ZMYM3: variants seen among roughly 807,000 people sequenced by gnomAD.
The protein encoded by ZMYM3 is zinc finger MYM-type protein 3.
Under a neutral mutation model 94.2 loss-of-function variants are expected in ZMYM3, and 6 were observed. That is an observed-to-expected ratio of 0.06 (90% confidence interval 0.03 to 0.13). The LOEUF (loss-of-function observed/expected upper bound fraction) is 0.13, where lower values mean the gene tolerates loss of function less well. Ranked by LOEUF, ZMYM3 falls within the 10% of genes least tolerant of loss-of-function variation. The pLI is 1.00. For missense variants in ZMYM3, 664 were observed against 1,132.6 expected, an observed-to-expected ratio of 0.59 and a Z score of 5.94; for synonymous variants, 420 against 426.5, an observed-to-expected ratio of 0.98 and a Z score of 0.19.
rs2030312560 is a variant in ZMYM3, at chrX:71,248,858, G to A, written c.1622-57C>T. On this transcript the variant is annotated intron_variant, in intron 8 of 24. Coordinates refer to ENST00000314425, the MANE Select transcript of ZMYM3 (RefSeq NM_201599.3). ...AGAGAAAGAGAGAGGGAGAGAGAGA[G>A]CACACAGAAGGTGTAAGGCAGTGTA... The A allele has an allele frequency of 6.7e-6, 7 of 1,044,630 alleles. No homozygotes were observed. The Admixed American group carries it at 7.9e-5, about 12-fold the overall frequency. 86.1% of individuals were successfully genotyped at this position (1,044,630 alleles called of 1,213,427 possible).
At chrX:71,247,684 G>T (rs1312050963) in intron 12 of ZMYM3, 50 bp downstream of exon 12, 1 of 1,178,914 alleles carries the variant, frequency 8.5e-7, no homozygotes, top group Non-Finnish European at 1.1e-6. Context: ...CACAGCCCGT[G>T]CTCCCCACTG....
At position 71,240,629 on chromosome X, in the gene ZMYM3, C is replaced by A; in HGVS notation, c.*287G>T. ...TAACACTCCACCCAGAGTCTGGACC[C>A]AGAAGGAGGGGTTTACTCTGAAGCA... On this transcript the variant is annotated 3_prime_UTR_variant, in exon 25 of 25. Coordinates refer to ENST00000314425, the MANE Select transcript of ZMYM3 (RefSeq NM_201599.3). The A allele has an allele frequency of 3.7e-6, 1 of 271,580 alleles. No individual in the cohort carries two copies. Among genetic ancestry groups the A allele is most frequent in the Non-Finnish European group, 6.5e-6 (1 of 153,882 alleles). The allele number at this position is 271,580 out of a possible 1,213,427, so 22.4% of individuals were successfully genotyped here.
chrX:71,248,070 C>A, intron 11 of ZMYM3, 92 bp downstream of exon 11: 2 of 1,147,470 alleles, frequency 1.7e-6, no homozygotes, highest in South Asian at 2.0e-5. Flanking sequence ...GAAGGCCCTG[C>A]CTCATGGACC....
intron 11 of ZMYM3, 74 bp from the exon 12 acceptor site, chrX:71,247,980 G>A: frequency 9.1e-7 from 1 of 1,104,515 alleles, no homozygotes; most frequent in South Asian, 2.2e-5. Flanking sequence ...CCTTTTCAAG[G>A]TGCTATACCT....
chrX:71,243,165 T>C (rs2030019039), intron 21 of ZMYM3, 81 bp from the exon 22 acceptor site: 2 of 827,707 alleles, frequency 2.4e-6, no homozygotes, highest in Non-Finnish European at 3.5e-6. Context: ...CCCCCAGGTA[T>C]GGTGTCCTTG....
rs777182703 is a variant in ZMYM3 at position 71,244,292 on chromosome X, A to G, written c.3280+10T>C. 5 of 994,934 alleles carry G rather than the reference A, an allele frequency of 5.0e-6. No individual in the cohort carries two copies. The East Asian group carries it at 2.5e-4, about 50-fold the overall frequency. 82.0% of individuals were successfully genotyped at this position (994,934 alleles called of 1,213,427 possible). Reference sequence around the variant, plus strand: ...CTGCCTCCCCACACCCCCCATCCCCAAGTACTTACGGCCAAAGCGCAGCTC... The same window carrying G: ...CTGCCTCCCCACACCCCCCATCCCCGAGTACTTACGGCCAAAGCGCAGCTC... On this transcript the variant is annotated intron_variant, in intron 20 of 24. Coordinates refer to ENST00000314425, the MANE Select transcript of ZMYM3 (RefSeq NM_201599.3).
intron 23 of ZMYM3, among the ~76,000 whole-genome samples, chrX:71,241,966 G>C (rs113639272): frequency 3.5e-4 from 39 of 111,898 alleles, no homozygotes; most frequent in African/African-American, 1.2e-3. Flanking sequence ...AAACAGGCCA[G>C]AGGGTGACCT....
rs183587835 is a variant in ZMYM3, at chrX:71,250,740, G to A, written c.779-14C>T. The A allele has an allele frequency of 6.0e-6, 7 of 1,173,910 alleles. No individual in the cohort carries two copies. The highest frequency in any genetic ancestry group is 4.7e-5 in the Admixed American group (2 of 42,408). On this transcript the variant is annotated splice_polypyrimidine_tract_variant and intron_variant, in intron 4 of 24. Transcript: ENST00000314425. Reference sequence around the variant, plus strand: ...CTGACACTGGAACTGAGAAAGTGGGGGGATGGACATGAGAAAGGCCACCAA... The same window carrying A: ...CTGACACTGGAACTGAGAAAGTGGGAGGATGGACATGAGAAAGGCCACCAA...
rs767120013 is a variant in ZMYM3 at position 71,244,324 on chromosome X, C to G, written c.3258G>C (p.Lys1086Asn). 2.5e-6 allele frequency: 3 copies of G among 1,208,058 alleles called. No individual in the cohort carries two copies. The highest frequency in any genetic ancestry group is 1.8e-5 in the African/African-American group (1 of 56,437). ...QSKYANGETS[K>N]GDELRFGPKP... ...TACGGCCAAAGCGCAGCTCATCACC[C>G]TTGCTGGTTTCTCCATTGGCATATT... Residue 1086 changes from lysine to asparagine, a missense_variant, in exon 20 of 25, where the codon AAG (lysine) becomes AAC (asparagine). Transcript: ENST00000314425.
chrX:71,247,268 A>C, intron 13 of ZMYM3, 77 bp downstream of exon 13: 2 of 998,871 alleles, frequency 2.0e-6, no homozygotes, highest in Non-Finnish European at 2.7e-6. Context: ...CGCAAGAGGA[A>C]GGAGAAAGGG....
At chrX:71,249,393 CT>C in intron 7 of ZMYM3, 67 bp downstream of exon 7, 5 of 1,155,724 alleles carry the variant, frequency 4.3e-6, no homozygotes, top group Non-Finnish European at 5.8e-6. Flanking sequence ...CATCAGCCAC[CT>C]TTATTTATAA....
chrX:71,248,351 C>T (rs1453559156), intron 10 of ZMYM3, 39 bp from the exon 11 acceptor site: 1 of 1,191,955 alleles, frequency 8.4e-7, no homozygotes, highest in Admixed American at 2.3e-5. Flanking sequence ...CAAGCTGTAA[C>T]ATCTGGCCCC....
intron 23 of ZMYM3, among the ~76,000 whole-genome samples, chrX:71,241,964 C>T (rs967220836): frequency 2.7e-5 from 3 of 111,607 alleles, no homozygotes; most frequent in Admixed American, 9.5e-5. Context: ...GGAAACAGGC[C>T]AGAGGGTGAC....
chrX:71,252,923 G>A lies in ZMYM3; in HGVS notation c.333C>T (p.Thr111=), dbSNP rs199807756. ...TCTGGCCCCCTGGTCCAGGCTCTAG[G>A]GTCTGATCTCCTGCATCCCATGCCA... ...GTLAWDAGDQ[T]LEPGPGGQTP... Residue 111 remains threonine, a synonymous_variant, in exon 2 of 25, where the codon ACC becomes ACT. Coordinates refer to ENST00000314425, the MANE Select transcript of ZMYM3 (RefSeq NM_201599.3). 8.3e-7 allele frequency: 1 copy of A among 1,210,209 alleles called. No homozygotes were observed. Among genetic ancestry groups the A allele is most frequent in the African/African-American group, 1.7e-5 (1 of 57,395 alleles).
intron 7 of ZMYM3, 59 bp from the exon 8 acceptor site, chrX:71,249,228 A>G: frequency 8.4e-7 from 1 of 1,196,178 alleles, no homozygotes; most frequent in Non-Finnish European, 1.1e-6. Flanking sequence ...TTTATTTTTT[A>G]AATGTTTTAA....
rs778034326 is a variant in ZMYM3, at chrX:71,244,285, C to G, written c.3280+17G>C. 2.0e-5 allele frequency: 24 copies of G among 1,205,615 alleles called. No homozygotes were observed. In the South Asian group the frequency reaches 3.7e-4, roughly 19 times the overall value. On this transcript the variant is annotated intron_variant, in intron 20 of 24. Transcript: ENST00000314425. ...CCTGTCCCTGCCTCCCCACACCCCCCATCCCCAAGTACTTACGGCCAAAGC... is the reference window on the plus strand; with the variant it reads ...CCTGTCCCTGCCTCCCCACACCCCCGATCCCCAAGTACTTACGGCCAAAGC...
Position 71,250,107 on chromosome X carries a change from C to A in ZMYM3, c.1170G>T (p.Glu390Asp). 1 of 1,208,595 alleles carries A rather than the reference C, an allele frequency of 8.3e-7. No homozygotes were observed. Among genetic ancestry groups the A allele is most frequent in the Non-Finnish European group, 1.1e-6 (1 of 894,142 alleles). Reference protein sequence around the residue: ...FCTSVCLSLYEAQQQRPIPQS... With the variant: ...FCTSVCLSLYDAQQQRPIPQS... ...GGGGGATCGGGCGCTGCTGCTGGGCCTCATACAGGGAGAGACAGACGGATG... is the reference window on the plus strand; with the variant it reads ...GGGGGATCGGGCGCTGCTGCTGGGCATCATACAGGGAGAGACAGACGGATG... Residue 390 changes from glutamate (E) to aspartate (D), a missense_variant, in exon 6 of 25, where the codon GAG becomes GAT. This residue lies in a region of ZMYM3 where 51 missense variants were observed against 53.0 expected (regional missense o/e 0.96). Transcript: ENST00000314425.
At chrX:71,242,836 G>C (rs776742689) in intron 22 of ZMYM3, 134 bp downstream of exon 22, 6 of 563,765 alleles carry the variant, frequency 1.1e-5, no homozygotes, top group African/African-American at 2.3e-5. Context: ...TCTAAACCCT[G>C]AGGCATCCAG....
chrX:71,248,841 A>AGAGAGG, intron 8 of ZMYM3, 40 bp from the exon 9 acceptor site: 1 of 1,099,334 alleles, frequency 9.1e-7, no homozygotes, highest in Non-Finnish European at 1.2e-6. Flanking sequence ...AAAGAGAAAG[A>AGAGAGG]GAGAGGGAGA....
Sources: gnomAD v4.1 joint callset for allele counts (sites outside exome capture counted in the v4.1 genomes callset) on GRCh38, gnomAD v4.1.1 for gene constraint, gnomAD v4.1.1 regional missense constraint, MANE v1.5 for transcripts, NCBI Gene and HGNC (gene_info 2026-07-23, HGNC 2026-07-21) for gene names.